Variants in ZNF768 observed in about 807,000 individuals in gnomAD.
ZNF768 encodes zinc finger protein 768.
ZNF768 carries 12 observed loss-of-function variants against 39.7 expected under a neutral mutation model. That is an observed-to-expected ratio of 0.30 (90% CI 0.19 to 0.49). ZNF768 has a LOEUF of 0.49. Among genes scored for constraint, ZNF768 ranks in the 20% least tolerant of loss-of-function variants. ZNF768 has a pLI of 0.99. For missense variants in ZNF768, 613 were observed against 723.2 expected, an observed-to-expected ratio of 0.85 and a Z score of 1.75; for synonymous variants, 360 against 288.4, an observed-to-expected ratio of 1.25 and a Z score of -2.52.
In ZNF768 at chr16:30,525,593, T is replaced by C. The variant is rs201602720; in HGVS notation, c.547A>G (p.Lys183Glu). 2 of 1,614,244 alleles carry C rather than the reference T, an allele frequency of 1.2e-6. No homozygotes were observed. Among genetic ancestry groups the C allele is most frequent in the South Asian group, 1.1e-5 (1 of 91,084 alleles). Residue 183 changes from lysine (K) to glutamate (E), a missense_variant, in exon 2 of 2, where the codon AAG becomes GAG. Lys to Glu is a moderately conservative substitution (Grantham distance 56, BLOSUM62 1). Around this residue, in one of 4 missense-constraint regions of ZNF768, gnomAD observed 347 missense variants for 326.1 expected, o/e 1.06. Transcript: ENST00000380412. ...CCTACGGAGATATTCAAAGGACTCT[T>C]TTCCTCGGGGTTCAGAAGCATCTCC... Reference protein sequence around the residue: ...GAEMLLNPEEKSPLNISVGVH... With the variant: ...GAEMLLNPEEESPLNISVGVH...
chr16:30,524,488 A>T lies in ZNF768; in HGVS notation c.*29T>A. 1 of 1,583,942 alleles carries T rather than the reference A, an allele frequency of 6.3e-7. No individual in the cohort carries two copies. Among genetic ancestry groups the T allele is most frequent in the Admixed American group, 1.7e-5 (1 of 57,582 alleles). On this transcript the variant is annotated 3_prime_UTR_variant, in exon 2 of 2. Coordinates refer to ENST00000380412, the MANE Select transcript of ZNF768 (RefSeq NM_024671.4). ...CTCCCTGGCCCCTTATCTTCTGCCC[A>T]CACCTCCCACCCCTGCTGGGGCCCC...
upstream of ZNF768, chr16:30,526,895 T>C: frequency 1.0e-6 from 1 of 984,230 alleles, no homozygotes; most frequent in Non-Finnish European, 1.2e-6. Flanking sequence ...TGGAAACTCG[T>C]TGGCATTAAC....
At chr16:30,527,471 C>G (rs1382560684), upstream of ZNF768, 12 of 307,770 alleles carry the variant, frequency 3.9e-5, no homozygotes, top group Admixed American at 2.6e-4. Context: ...CCTCCAACCC[C>G]GCGGACGGCT....
chr16:30,526,967 G>T, upstream of ZNF768: 1 of 985,508 alleles, frequency 1.0e-6, no homozygotes, highest in Non-Finnish European at 1.2e-6. Context: ...AGCCCGCGGG[G>T]CTACCGGGGC....
At position 30,525,728 on chromosome 16, in the gene ZNF768, G is replaced by A. The variant is rs1414579936; in HGVS notation, c.412C>T (p.Arg138Trp). ...CTCTCAGATTCATAGCCAGGGCTCC[G>A]GGGTTCATACCCGGGGCTCCGAGGT... ...YEPRSPGYEPRSPGYESESSR... is the reference protein window; with the variant it reads ...YEPRSPGYEPWSPGYESESSR... The change falls in exon 2 of 2, where the codon CGG (arginine) becomes TGG (tryptophan). Residue 138 changes from arginine to tryptophan, a missense_variant. Arg to Trp is a moderately radical substitution (Grantham distance 101, BLOSUM62 -3). Coordinates refer to ENST00000380412, the MANE Select transcript of ZNF768 (RefSeq NM_024671.4). 2 of 1,611,836 alleles carry A rather than the reference G, an allele frequency of 1.2e-6. No individual in the cohort carries two copies.
upstream of ZNF768, among the ~76,000 whole-genome samples, chr16:30,528,477 C>G (rs746204680): frequency 1.3e-5 from 2 of 152,134 alleles, no homozygotes; most frequent in African/African-American, 4.8e-5. Context: ...TCACTTGAAC[C>G]CGGGAGGCGG....
chr16:30,525,573 G>A lies in ZNF768; in HGVS notation c.567C>T (p.Ser189=), dbSNP rs748993619. 8.1e-6 allele frequency: 13 copies of A among 1,614,132 alleles called. No homozygotes were observed. The highest frequency in any genetic ancestry group is 1.3e-5 in the African/African-American group (1 of 74,948). The part of the protein sequence containing the change: ...NPEEKSPLNI[S]VGVHPLDSFT... ...AGGAGTCCAGGGGGTGAACTCCTAC[G>A]GAGATATTCAAAGGACTCTTTTCCT... The change falls in exon 2 of 2, where the codon TCC becomes TCT. Residue 189 remains serine (S), a synonymous_variant. Transcript: ENST00000380412.
chr16:30,528,835 C>T (rs1367217146), upstream of ZNF768, among the ~76,000 whole-genome samples: 3 of 152,160 alleles, frequency 2.0e-5, no homozygotes, highest in Admixed American at 2.0e-4. Context: ...AACAAGTCTC[C>T]TTCACAAGAC....
chr16:30,526,820 G>T, upstream of ZNF768: 1 of 487,496 alleles, frequency 2.1e-6, no homozygotes, highest in Non-Finnish European at 2.5e-6. Context: ...CGCACAGGAA[G>T]TGTCCGTCCG....
chr16:30,526,221 T>A, intron 1 of ZNF768, 105 bp downstream of exon 1: 1 of 1,550,694 alleles, frequency 6.4e-7, no homozygotes, highest in Non-Finnish European at 8.7e-7. Context: ...CGGCCCCTCC[T>A]TCGAGTCCCA....
chr16:30,528,746 C>T (rs960480127), upstream of ZNF768, among the ~76,000 whole-genome samples: 15 of 152,138 alleles, frequency 9.9e-5, no homozygotes, highest in Non-Finnish European at 2.1e-4. Context: ...AGTCAAACAG[C>T]CTACAAGAGG....
At chr16:30,527,182 C>A (rs2051335396), upstream of ZNF768, 1 of 985,312 alleles carries the variant, frequency 1.0e-6, no homozygotes, top group Non-Finnish European at 1.2e-6. Context: ...TCCGGCAGCG[C>A]CTCGGGAACC....
rs770129081 is a variant in ZNF768, at chr16:30,525,684, C to A, written c.456G>T (p.Gln152His). ...GGCTTTGGGTTTTGAGCTCAGTGTT[C>A]TGGGATTCATATCTAGAGCTCTCAG... Reference protein sequence around the residue: ...YESESSRYESQNTELKTQSPE... With the variant: ...YESESSRYESHNTELKTQSPE... Residue 152 changes from glutamine (Q) to histidine (H), a missense_variant, in exon 2 of 2, where the codon CAG becomes CAT. Gln to His is a conservative substitution (Grantham distance 24). This residue lies in a region of ZNF768 where 347 missense variants were observed against 326.1 expected (regional missense o/e 1.06). Coordinates refer to ENST00000380412, the MANE Select transcript of ZNF768 (RefSeq NM_024671.4). 2 of 1,614,146 alleles carry A rather than the reference C, an allele frequency of 1.2e-6. No homozygotes were observed. Among genetic ancestry groups the A allele is most frequent in the Non-Finnish European group, 1.7e-6 (2 of 1,179,998 alleles).
chr16:30,525,389 G>C lies in ZNF768; in HGVS notation c.751C>G (p.Arg251Gly). The C allele has an allele frequency of 6.2e-7, 1 of 1,614,096 alleles. No individual in the cohort carries two copies. The highest frequency in any genetic ancestry group is 8.5e-7 in the Non-Finnish European group (1 of 1,179,994). ...CGAGGGCCCTGCCCACCCCTGGCCCGGCCACCCCGCCGACCTGGACCTCGA... is the reference window on the plus strand; with the variant it reads ...CGAGGGCCCTGCCCACCCCTGGCCCCGCCACCCCGCCGACCTGGACCTCGA... ...ALRGPGRRGG[R>G]ARGGQGPRPN... Residue 251 changes from arginine to glycine, a missense_variant, in exon 2 of 2, where the codon CGG (arginine) becomes GGG (glycine). Physicochemically the swap from Arg to Gly is moderately radical, Grantham distance 125. Coordinates refer to ENST00000380412, the MANE Select transcript of ZNF768 (RefSeq NM_024671.4).
Position 30,524,607 on chromosome 16 carries a change from C to T in ZNF768, c.1533G>A (p.Arg511=). 1 of 1,612,808 alleles carries T rather than the reference C, an allele frequency of 6.2e-7. No homozygotes were observed. The highest frequency in any genetic ancestry group is 2.2e-5 in the East Asian group (1 of 44,880). ...TTCCGCAGTCATCGCACTTGTAAGG[C>T]CGCTCGCCACTGTGGACCCGGTGAT... is the stretch of plus-strand genomic sequence containing the variant. ...LQHHRVHSGE[R]PYKCDDCGKA... Residue 511 remains arginine (R), a synonymous_variant, in exon 2 of 2, where the codon CGG becomes CGA. Coordinates refer to ENST00000380412, the MANE Select transcript of ZNF768 (RefSeq NM_024671.4).
upstream of ZNF768, among the ~76,000 whole-genome samples, chr16:30,528,891 G>A (rs1037240056): frequency 6.6e-6 from 1 of 152,178 alleles, no homozygotes; most frequent in South Asian, 2.1e-4. Flanking sequence ...AATTCACACA[G>A]GAGAGCAGCC....
chr16:30,525,144 C>A lies in ZNF768; in HGVS notation c.996G>T (p.Leu332=). 6.2e-7 allele frequency: 1 copy of A among 1,613,078 alleles called. No individual in the cohort carries two copies. Among genetic ancestry groups the A allele is most frequent in the Non-Finnish European group, 8.5e-7 (1 of 1,179,694 alleles). The change falls in exon 2 of 2, where the codon CTG becomes CTT. Residue 332 remains leucine (L), a synonymous_variant. Transcript: ENST00000380412. ...CGKAFADSSY[L]LRHQRTHSGQ... ...CAGAGTGAGTGCGCTGGTGGCGAAG[C>A]AGGTAAGAGCTGTCGGCGAAGGCCT...
upstream of ZNF768, among the ~76,000 whole-genome samples, chr16:30,529,405 T>C (rs114119610): frequency 3.4e-3 from 512 of 152,340 alleles, 3 homozygotes; most frequent in African/African-American, 0.012. Context: ...AGCCAAGGCT[T>C]ATGGTCAGCC....
chr16:30,526,500 C>G lies in ZNF768; in HGVS notation c.-87G>C, dbSNP rs2051326423. 1 of 1,237,540 alleles carries G rather than the reference C, an allele frequency of 8.1e-7. No individual in the cohort carries two copies. Among genetic ancestry groups the G allele is most frequent in the African/African-American group, 1.6e-5 (1 of 62,258 alleles). 76.7% of individuals were successfully genotyped at this position (1,237,540 alleles called of 1,614,324 possible). On this transcript the variant is annotated 5_prime_UTR_variant, in exon 1 of 2. Coordinates refer to ENST00000380412, the MANE Select transcript of ZNF768 (RefSeq NM_024671.4). ...GTTGCCCCGAGCCGCGGGCCCCCGC[C>G]TCCCGCCCGCTCAGCGCCGCCCAGG...
Sources: gnomAD v4.1 joint callset for allele counts (sites outside exome capture counted in the v4.1 genomes callset) on GRCh38, gnomAD v4.1.1 for gene constraint, gnomAD v4.1.1 regional missense constraint, MANE v1.5 for transcripts, NCBI Gene and HGNC (gene_info 2026-07-23, HGNC 2026-07-21) for gene names.